The following CREBBP variants were observed in gnomAD, a reference collection of about 807,000 sequenced individuals.
The protein encoded by CREBBP is CREB-binding protein.
A neutral mutation model predicts 265.0 loss-of-function variants in CREBBP; 19 were observed. That is an observed-to-expected ratio of 0.07 (90% CI 0.05 to 0.11). CREBBP has a LOEUF of 0.11. CREBBP is among the 10% of genes least tolerant of loss of function. The probability of loss-of-function intolerance (pLI) is 1.00; values close to 1 mark genes in which losing one functional copy is unlikely to be tolerated. For synonymous variants in CREBBP, 1,457 were observed against 1,223.7 expected, an observed-to-expected ratio of 1.19 and a Z score of -3.98; for missense variants, 2,525 against 3,219.0, an observed-to-expected ratio of 0.78 and a Z score of 5.22.
Position 3,816,010 on chromosome 16 carries a change from A to G in CREBBP, c.799-5231T>C, listed in dbSNP as rs555033660. Among the ~76,000 whole-genome samples the G allele has an allele frequency of 8.8e-4, 134 of 152,282 alleles. 1 individual carries two copies. The highest frequency in any genetic ancestry group is 1.7e-3 in the South Asian group (8 of 4,830). ...TATATATTAACAAATTAAAACCCAT[A>G]AAGTATTTATATTCTGCCTCATTCA... On this transcript the variant is annotated intron_variant, in intron 2 of 30. Transcript: ENST00000262367.
chr16:3,845,168 C>G (rs2054640265), intron 2 of CREBBP, among the ~76,000 whole-genome samples: 1 of 152,212 alleles, frequency 6.6e-6, no homozygotes, highest in African/African-American at 2.4e-5. Context: ...ACACACTATA[C>G]GAATGTTTCT....
At chr16:3,783,331 C>T (rs971096190) in intron 5 of CREBBP, among the ~76,000 whole-genome samples, 8 of 152,222 alleles carry the variant, frequency 5.3e-5, no homozygotes, top group African/African-American at 1.9e-4. Context: ...GAGGAGCCCC[C>T]TCCTGTTGAC....
At chr16:3,816,049 C>T (rs543978732) in intron 2 of CREBBP, among the ~76,000 whole-genome samples, 2 of 152,246 alleles carry the variant, frequency 1.3e-5, no homozygotes, top group Admixed American at 1.3e-4. Flanking sequence ...ACAGCCCATA[C>T]ATATTAGAAG....
At position 3,782,916 on chromosome 16, in the gene CREBBP, C is replaced by T; in HGVS notation, c.1341G>A (p.Gly447=). ...TGTTTTGAATTCCACTAGCTGGAGA[C>T]CCCAGGATGGCTATAACGACAAACA... is the stretch of plus-strand genomic sequence containing the variant. ...SDKRNQQTIL[G]SPASGIQNTI... Residue 447 remains glycine (G), a synonymous_variant, in exon 6 of 31, where the codon GGG becomes GGA. Transcript: ENST00000262367. 1 of 1,614,092 alleles carries T rather than the reference C, an allele frequency of 6.2e-7. No individual in the cohort carries two copies. The highest frequency in any genetic ancestry group is 8.5e-7 in the Non-Finnish European group (1 of 1,180,004).
At position 3,736,189 on chromosome 16, in the gene CREBBP, T is replaced by C; in HGVS notation, c.4575A>G (p.Gln1525=). The change falls in exon 28 of 31, where the codon CAA becomes CAG. Residue 1525 remains glutamine, a synonymous_variant. Transcript: ENST00000262367. ...CACTGGTGAGCCTGTCTTCAGTTGC[T>C]TGTTTGAAAATATCCTGAGTGGGCA... The part of the protein sequence containing the change: ...IIHDYKDIFK[Q]ATEDRLTSAK... The C allele has an allele frequency of 6.2e-7, 1 of 1,614,244 alleles. No homozygotes were observed. Among genetic ancestry groups the C allele is most frequent in the Non-Finnish European group, 8.5e-7 (1 of 1,180,040 alleles).
At chr16:3,812,713 T>C (rs947441002) in intron 2 of CREBBP, among the ~76,000 whole-genome samples, 2 of 152,080 alleles carry the variant, frequency 1.3e-5, no homozygotes, top group African/African-American at 4.8e-5. Flanking sequence ...TGCTTATCTT[T>C]CTCCCTGTGG....
At chr16:3,738,719 G>T (rs2151334834) in intron 25 of CREBBP, 47 bp from the exon 26 acceptor site, 1 of 1,217,482 alleles carries the variant, frequency 8.2e-7, no homozygotes, top group Non-Finnish European at 1.2e-6. Context: ...CCTCAAATCT[G>T]AAATCAAACA....
chr16:3,747,871 C>T (rs899040548), intron 21 of CREBBP, among the ~76,000 whole-genome samples: 2 of 152,050 alleles, frequency 1.3e-5, no homozygotes, highest in South Asian at 4.2e-4. Flanking sequence ...GGGTGGACCA[C>T]GAGGTCAGGA....
chr16:3,731,825 G>C lies in CREBBP; in HGVS notation c.4841C>G (p.Ser1614Cys), dbSNP rs2051924989. Reference sequence around the variant, plus strand: ...ATACAGCTTCTGGGACAGGTCATTGGACACGTTGGGCATGCTGGGCTTCTT... The same window carrying C: ...ATACAGCTTCTGGGACAGGTCATTGCACACGTTGGGCATGCTGGGCTTCTT... ...NKKKPSMPNV[S>C]NDLSQKLYAT... is the part of the protein sequence containing the mutation. Residue 1614 changes from serine to cysteine, a missense_variant, in exon 29 of 31, where the codon TCC (serine) becomes TGC (cysteine). Physicochemically the swap from Ser to Cys is moderately radical, Grantham distance 112. Coordinates refer to ENST00000262367, the MANE Select transcript of CREBBP (RefSeq NM_004380.3). This position sits in a 1 kb window ranked among gnomAD's most constrained non-coding sequence, Gnocchi z 7.7. 6.2e-7 allele frequency: 1 copy of C among 1,614,142 alleles called. No homozygotes were observed. The highest frequency in any genetic ancestry group is 1.3e-5 in the African/African-American group (1 of 74,952).
intron 5 of CREBBP, chr16:3,784,623 CA>C (rs1241409245): frequency 6.6e-6 from 1 of 152,224 alleles, no homozygotes; most frequent in Non-Finnish European, 1.5e-5. Flanking sequence ...AACAGGGCTA[CA>C]CTATATTTAA....
intron 16 of CREBBP, among the ~76,000 whole-genome samples, chr16:3,766,966 G>C (rs564270270): frequency 2.6e-5 from 4 of 152,156 alleles, no homozygotes; most frequent in African/African-American, 9.7e-5. Flanking sequence ...TCCAGCTGCA[G>C]AGTAACATGG....
At chr16:3,817,392 C>T (rs547023083) in intron 2 of CREBBP, among the ~76,000 whole-genome samples, 5 of 152,264 alleles carry the variant, frequency 3.3e-5, no homozygotes, top group African/African-American at 9.6e-5. Flanking sequence ...TGACAGCTAT[C>T]AAAACATTAG....
intron 22 of CREBBP, 77 bp from the exon 23 acceptor site, chr16:3,745,038 T>C: frequency 8.9e-7 from 1 of 1,122,864 alleles, no homozygotes; most frequent in East Asian, 2.4e-5. Context: ...AGCATTCAGA[T>C]AGTTTGTTGG....
Position 3,850,463 on chromosome 16 carries a change from C to G in CREBBP, c.632G>C (p.Gly211Ala), listed in dbSNP as rs2141490805. The G allele has an allele frequency of 6.2e-7, 1 of 1,614,256 alleles. No homozygotes were observed. Among genetic ancestry groups the G allele is most frequent in the Non-Finnish European group, 8.5e-7 (1 of 1,180,042 alleles). Reference sequence around the variant, plus strand: ...TCCTCTGCCAGCAGCCCCAAGAGATCCATTCATGACTTGCGCCTGCCCTTG... The same window carrying G: ...TCCTCTGCCAGCAGCCCCAAGAGATGCATTCATGACTTGCGCCTGCCCTTG... ...ASQGQAQVMNGSLGAAGRGRG... is the reference protein window; with the variant it reads ...ASQGQAQVMNASLGAAGRGRG... Residue 211 changes from glycine (G) to alanine (A), a missense_variant, in exon 2 of 31, where the codon GGA becomes GCA. Coordinates refer to ENST00000262367, the MANE Select transcript of CREBBP (RefSeq NM_004380.3).
intron 19 of CREBBP, among the ~76,000 whole-genome samples, chr16:3,753,057 T>C (rs2151375685): frequency 6.6e-6 from 1 of 152,288 alleles, no homozygotes; most frequent in South Asian, 2.1e-4. Flanking sequence ...GCAGCACGAA[T>C]GCGGTTTAGT....
At position 3,729,633 on chromosome 16, in the gene CREBBP, G is replaced by C. The variant is rs2151310994; in HGVS notation, c.5414C>G (p.Thr1805Ser). The C allele has an allele frequency of 6.2e-7, 1 of 1,614,112 alleles. No homozygotes were observed. ...CQKMKRVVQH[T>S]KGCKRKTNGG... Reference sequence around the variant, plus strand: ...GTTGGTCTTGCGTTTGCAGCCCTTGGTGTGCTGCACCACCCGCTTCATCTT... The same window carrying C: ...GTTGGTCTTGCGTTTGCAGCCCTTGCTGTGCTGCACCACCCGCTTCATCTT... The change falls in exon 31 of 31, where the codon ACC becomes AGC. Residue 1805 changes from threonine to serine, a missense_variant. Thr to Ser is a moderately conservative substitution (Grantham distance 58). Coordinates refer to ENST00000262367, the MANE Select transcript of CREBBP (RefSeq NM_004380.3).
At chr16:3,876,399 CAAAAAAAAAAAAA>C (rs71133663) in intron 1 of CREBBP, among the ~76,000 whole-genome samples, 251 of 18,172 alleles carry the variant, frequency 0.014, 6 homozygotes, top group African/African-American at 0.043. Context: ...TAAAGCTGAC[CAAAAAAAAAAAAA>C]AAAAAAAAAA....
At chr16:3,836,124 G>A (rs1464249779) in intron 2 of CREBBP, among the ~76,000 whole-genome samples, 1 of 151,870 alleles carries the variant, frequency 6.6e-6, no homozygotes, top group Non-Finnish European at 1.5e-5. Context: ...CTGAGAACAG[G>A]CAAAGCAATT....
At chr16:3,815,397 A>T (rs993341233) in intron 2 of CREBBP, among the ~76,000 whole-genome samples, 1 of 151,862 alleles carries the variant, frequency 6.6e-6, no homozygotes, top group Admixed American at 6.6e-5. Flanking sequence ...AAAATTAGCT[A>T]GGCATGGTGG....
Sources: gnomAD v4.1 joint callset for allele counts (sites outside exome capture counted in the v4.1 genomes callset) on GRCh38, gnomAD v4.1.1 for gene constraint, Gnocchi (gnomAD v3.1) non-coding constraint, MANE v1.5 for transcripts, NCBI Gene and HGNC (gene_info 2026-07-23, HGNC 2026-07-21) for gene names.